Variants in DOP1B observed in about 807,000 individuals in gnomAD.
DOP1B encodes the protein DOP1 leucine zipper like protein B.
A neutral mutation model predicts 233.5 loss-of-function variants in DOP1B; 174 were observed. That is an observed-to-expected ratio of 0.75 (90% CI 0.66 to 0.85). DOP1B has a LOEUF of 0.85. Ranked by LOEUF, DOP1B falls within the 40% of genes least tolerant of loss-of-function variation. DOP1B has a pLI of 0.00. For synonymous variants in DOP1B, 1,190 were observed against 1,185.6 expected (o/e 1.00, Z -0.08); for missense variants, 2,652 against 2,846.6 (o/e 0.93, Z 1.56).
chr21:36,247,565 TC>T lies in DOP1B; in HGVS notation c.4747del (p.Leu1583Ter). The T allele has an allele frequency of 6.2e-7, 1 of 1,611,298 alleles. No individual in the cohort carries two copies. Among genetic ancestry groups the T allele is most frequent in the Non-Finnish European group, 8.5e-7 (1 of 1,179,254 alleles). On this transcript the variant is annotated frameshift_variant, in exon 20 of 37. Coordinates refer to ENST00000691173, the MANE Select transcript of DOP1B (RefSeq NM_001320714.2). LOFTEE classifies it high-confidence loss of function. ...NISPDYPLTL[L>X]EGLTTISHFC... ...TTTCTCCAGATTATCCACTCACCCTTCTAGAAGGTCTAACGACCATTAGTCA... is the reference window on the plus strand; with the variant it reads ...TTTCTCCAGATTATCCACTCACCCTTTAGAAGGTCTAACGACCATTAGTCA...
intron 23 of DOP1B, among the ~76,000 whole-genome samples, chr21:36,257,587 G>A (rs904775525): frequency 6.7e-6 from 1 of 148,928 alleles, no homozygotes; most frequent in South Asian, 2.2e-4. Flanking sequence ...AGGTTGATAC[G>A]TAGATAGATG....
At position 36,277,103 on chromosome 21, in the gene DOP1B, A is replaced by G. The variant is rs777249532; in HGVS notation, c.5712+3A>G. 4 of 1,613,640 alleles carry G rather than the reference A, an allele frequency of 2.5e-6. No homozygotes were observed. In the African/African-American group the frequency reaches 5.3e-5, roughly 22 times the overall value. ...AAGCCCTCTCTCTCCTGGCAGAGGTAAATACACACCTGACCTGTCGTCCTT... is the reference window on the plus strand; with the variant it reads ...AAGCCCTCTCTCTCCTGGCAGAGGTGAATACACACCTGACCTGTCGTCCTT... On this transcript the variant is annotated splice_donor_region_variant and intron_variant, in intron 28 of 36. Coordinates refer to ENST00000691173, the MANE Select transcript of DOP1B (RefSeq NM_001320714.2).
chr21:36,252,107 G>GT (rs1403774420), intron 22 of DOP1B, among the ~76,000 whole-genome samples: 1 of 151,914 alleles, frequency 6.6e-6, no homozygotes, highest in Non-Finnish European at 1.5e-5. Flanking sequence ...AGCCTGGGAG[G>GT]TGGAGGGTGC....
At chr21:36,191,124 C>G (rs567435024) in intron 2 of DOP1B, among the ~76,000 whole-genome samples, 10 of 152,110 alleles carry the variant, frequency 6.6e-5, no homozygotes, top group African/African-American at 2.2e-4. Flanking sequence ...TTGGAGTTTT[C>G]CTAGCCGTGG....
intron 35 of DOP1B, among the ~76,000 whole-genome samples, chr21:36,289,763 G>A (rs563050983): frequency 4.6e-5 from 7 of 152,124 alleles, no homozygotes; most frequent in Non-Finnish European, 7.4e-5. Flanking sequence ...TCTCTTAAAT[G>A]CACATTGCTA....
At chr21:36,209,605 C>T (rs865786528) in intron 5 of DOP1B, among the ~76,000 whole-genome samples, 2 of 152,100 alleles carry the variant, frequency 1.3e-5, no homozygotes, top group Non-Finnish European at 2.9e-5. Context: ...CCTCCCTTGG[C>T]GTCCTCCCCC....
chr21:36,279,333 G>A (rs1047477512), intron 30 of DOP1B, among the ~76,000 whole-genome samples: 3 of 152,082 alleles, frequency 2.0e-5, no homozygotes, highest in African/African-American at 4.8e-5. Flanking sequence ...CAGGAGGATC[G>A]CTTGAGCCCA....
intron 7 of DOP1B, among the ~76,000 whole-genome samples, chr21:36,212,834 T>C (rs1396767319): frequency 1.3e-5 from 2 of 152,078 alleles, no homozygotes; most frequent in African/African-American, 4.8e-5. Flanking sequence ...CAGACTGGAG[T>C]GCAGTGGTGC....
At chr21:36,290,924 C>T (rs539460032) in intron 35 of DOP1B, among the ~76,000 whole-genome samples, 3 of 151,430 alleles carry the variant, frequency 2.0e-5, no homozygotes, top group African/African-American at 2.4e-5. Flanking sequence ...GAGCCGACAT[C>T]GCACCACTGC....
rs564784178 is a variant in DOP1B, at chr21:36,278,753, C to T, written c.5969+398C>T. The stretch of plus-strand genomic sequence containing the variant: ...GCATGGCAGCGCACACCTGTAGTTC[C>T]AGCTACTCGGGAGGCTGAGGTATGA... On this transcript the variant is annotated intron_variant, in intron 30 of 36. Coordinates refer to ENST00000691173, the MANE Select transcript of DOP1B (RefSeq NM_001320714.2). 1.3e-4 allele frequency among the ~76,000 whole-genome samples: 20 copies of T among 152,208 alleles called. No homozygotes were observed. The South Asian group carries it at 2.7e-3, about 21-fold the overall frequency.
chr21:36,259,459 G>A lies in DOP1B; in HGVS notation c.5260-1218G>A, dbSNP rs563029749. Reference sequence around the variant, plus strand: ...TTAATTTTTTTGTATTTTTAGTAGAGATGGGGTTTTGCCATGTTGGCCACG... The same window carrying A: ...TTAATTTTTTTGTATTTTTAGTAGAAATGGGGTTTTGCCATGTTGGCCACG... On this transcript the variant is annotated intron_variant, in intron 23 of 36. Coordinates refer to ENST00000691173, the MANE Select transcript of DOP1B (RefSeq NM_001320714.2). Among the ~76,000 whole-genome samples the A allele has an allele frequency of 2.0e-5, 3 of 152,044 alleles. No individual in the cohort carries two copies. In the East Asian group the frequency reaches 5.8e-4, roughly 29 times the overall value.
intron 24 of DOP1B, chr21:36,261,984 A>T: frequency 1.0e-6 from 1 of 984,132 alleles, no homozygotes; most frequent in Non-Finnish European, 1.2e-6. Context: ...CTACATAGCC[A>T]TCAGGAGTCT....
chr21:36,231,196 G>A (rs1366516195), intron 14 of DOP1B, 62 bp downstream of exon 14: 28 of 1,517,120 alleles, frequency 1.8e-5, no homozygotes, highest in East Asian at 2.3e-5. Context: ...ATTGACGTGG[G>A]TGGAATATCC....
chr21:36,234,127 G>A (rs1011251194), intron 15 of DOP1B, among the ~76,000 whole-genome samples: 1 of 152,012 alleles, frequency 6.6e-6, no homozygotes, highest in Non-Finnish European at 1.5e-5. Flanking sequence ...CAAAGTGCCA[G>A]AATTATAGGT....
chr21:36,169,365 CT>C, intron 2 of DOP1B: 1 of 812,332 alleles, frequency 1.2e-6, no homozygotes, highest in East Asian at 2.4e-5. Context: ...TGATGGTCGC[CT>C]TTCTGCCCAG....
chr21:36,246,361 G>A lies in DOP1B; in HGVS notation c.4381G>A (p.Glu1461Lys). Residue 1461 changes from glutamate to lysine, a missense_variant, in exon 19 of 37, where the codon GAG becomes AAG. Coordinates refer to ENST00000691173, the MANE Select transcript of DOP1B (RefSeq NM_001320714.2). This position sits in a 1 kb window ranked among gnomAD's most constrained non-coding sequence, Gnocchi z 5.1. ...ACACCACCTGGGTCGGGCCCATGAG[G>A]AGGCGGAAAACCAGCCCGACCTGTC... The part of the protein sequence containing the change: ...LEHHLGRAHE[E>K]AENQPDLSRE... The A allele has an allele frequency of 6.2e-7, 1 of 1,613,692 alleles. No homozygotes were observed. Among genetic ancestry groups the A allele is most frequent in the South Asian group, 1.1e-5 (1 of 91,054 alleles).
At chr21:36,199,342 A>G (rs2066331420) in intron 3 of DOP1B, 91 bp downstream of exon 3, 2 of 1,493,032 alleles carry the variant, frequency 1.3e-6, no homozygotes, top group African/African-American at 2.8e-5. Flanking sequence ...CAGGCAAAAT[A>G]AGCGTAGGGC....
chr21:36,220,684 T>G (rs145690172), intron 10 of DOP1B, among the ~76,000 whole-genome samples: 3,254 of 151,158 alleles, frequency 0.022, 95 homozygotes, highest in African/African-American at 0.071. Context: ...TTTTTTTTTT[T>G]TGTGGAGATG....
intron 26 of DOP1B, among the ~76,000 whole-genome samples, chr21:36,264,601 G>A (rs1569060272): frequency 6.6e-6 from 1 of 151,840 alleles, no homozygotes; most frequent in Non-Finnish European, 1.5e-5. Flanking sequence ...AGTCTCCCAA[G>A]TAGCTGAGAT....
Sources: allele counts gnomAD v4.1 joint callset (sites outside exome capture counted in the v4.1 genomes callset), GRCh38; gene constraint gnomAD v4.1.1; non-coding constraint Gnocchi (gnomAD v3.1); transcripts MANE v1.5; gene names NCBI Gene and HGNC (gene_info 2026-07-23, HGNC 2026-07-21).